Variants in ANXA7 observed in about 807,000 individuals in gnomAD.
ANXA7 encodes the protein annexin VII.
ANXA7 carries 55 observed loss-of-function variants against 64.9 expected under a neutral mutation model. That is an observed-to-expected ratio of 0.85 (90% confidence interval 0.68 to 1.06). ANXA7 has a LOEUF of 1.06. ANXA7 is among the 50% of genes least tolerant of loss of function. The pLI is 0.00. For synonymous variants in ANXA7, 200 were observed against 192.4 expected, an observed-to-expected ratio of 1.04 and a Z score of -0.33; for missense variants, 548 against 582.1, an observed-to-expected ratio of 0.94 and a Z score of 0.60.
intron 1 of ANXA7, among the ~76,000 whole-genome samples, chr10:73,406,042 A>G (rs1414347965): frequency 1.3e-5 from 2 of 149,906 alleles, no homozygotes; most frequent in African/African-American, 4.9e-5. Flanking sequence ...TGCAGCTTCC[A>G]CCTCCTGGGT....
intron 5 of ANXA7, among the ~76,000 whole-genome samples, chr10:73,396,269 G>A (rs1015146625): frequency 2.0e-5 from 3 of 152,126 alleles, no homozygotes; most frequent in African/African-American, 4.8e-5. Context: ...AAGACCCCAG[G>A]TTAATCTCCA....
At chr10:73,393,691 C>T (rs1388810972) in intron 5 of ANXA7, among the ~76,000 whole-genome samples, 2 of 152,160 alleles carry the variant, frequency 1.3e-5, no homozygotes. Context: ...TTCCTTACAC[C>T]TTATACAACA....
At chr10:73,385,184 TA>T (rs1307244486) in intron 7 of ANXA7, among the ~76,000 whole-genome samples, 1 of 152,336 alleles carries the variant, frequency 6.6e-6, no homozygotes, top group African/African-American at 2.4e-5. Context: ...AAGTTGTAAC[TA>T]AATCTTGGAT....
intron 11 of ANXA7, 84 bp downstream of exon 11, chr10:73,379,795 T>C (rs757224468): frequency 7.5e-6 from 10 of 1,330,392 alleles, no homozygotes; most frequent in Admixed American, 7.0e-5. Context: ...ACGTGGACTA[T>C]ATTATCAACA....
chr10:73,387,576 T>C (rs774768939), intron 7 of ANXA7, 113 bp downstream of exon 7: 12 of 829,192 alleles, frequency 1.4e-5, no homozygotes, highest in Admixed American at 3.8e-5. Flanking sequence ...CTCTAAAGTC[T>C]AGTTGTCCCT....
At chr10:73,412,499 G>GTT (rs575394324) in intron 1 of ANXA7, among the ~76,000 whole-genome samples, 33 of 140,590 alleles carry the variant, frequency 2.3e-4, no homozygotes, top group South Asian at 4.5e-4. Context: ...AGTTTTTTGG[G>GTT]TTTTTTTTTT....
chr10:73,400,206 T>G (rs1449208837), intron 2 of ANXA7, among the ~76,000 whole-genome samples: 2 of 152,066 alleles, frequency 1.3e-5, no homozygotes, highest in African/African-American at 2.4e-5. Flanking sequence ...GCTCAGCTCT[T>G]AGTCCTCAGA....
At chr10:73,401,041 G>T (rs528301419) in intron 1 of ANXA7, among the ~76,000 whole-genome samples, 184 bp from the exon 2 acceptor site, 1 of 152,224 alleles carries the variant, frequency 6.6e-6, no homozygotes, top group Admixed American at 6.5e-5. Context: ...AAGTAGCTGG[G>T]ACTACAGGTG....
At chr10:73,390,705 TATATATATATATATAAAA>T (rs200092183) in intron 5 of ANXA7, among the ~76,000 whole-genome samples, 1,938 of 134,144 alleles carry the variant, frequency 0.014, 51 homozygotes, top group African/African-American at 0.051. Context: ...TATATATATA[TATATATATATATATAAAA>T]ATATATATAT....
In ANXA7 at chr10:73,398,282, C is replaced by T; in HGVS notation, c.158G>A (p.Gly53Asp). 1 of 1,614,094 alleles carries T rather than the reference C, an allele frequency of 6.2e-7. No homozygotes were observed. Among genetic ancestry groups the T allele is most frequent in the Non-Finnish European group, 8.5e-7 (1 of 1,180,016 alleles). Reference sequence around the variant, plus strand: ...AGGGTAGCCTCCAGCTCCTGGGTAGCCACTACTTGGCACTTGTGGGTAGGC... The same window carrying T: ...AGGGTAGCCTCCAGCTCCTGGGTAGTCACTACTTGGCACTTGTGGGTAGGC... The part of the protein sequence containing the change: ...GGAYPQVPSS[G>D]YPGAGGYPAP... Residue 53 changes from glycine (G) to aspartate (D), a missense_variant, in exon 3 of 13, where the codon GGC (glycine) becomes GAC (aspartate). Gly to Asp is a moderately conservative substitution (Grantham distance 94). Transcript: ENST00000372921.
chr10:73,397,265 C>T lies in ANXA7; in HGVS notation c.269G>A (p.Gly90Asp). Residue 90 changes from glycine (G) to aspartate (D), a missense_variant, in exon 4 of 13, where the codon GGC becomes GAC. Transcript: ENST00000372921. ...ACCTGGTGGGACTCCAAATCCTTGG[C>T]CTGGAGGAACTAGAGAAAAGAACAT... is the stretch of plus-strand genomic sequence containing the variant. ...GAPSYPGVPP[G>D]QGFGVPPGGA... 1 of 1,608,970 alleles carries T rather than the reference C, an allele frequency of 6.2e-7. No individual in the cohort carries two copies. Among genetic ancestry groups the T allele is most frequent in the Non-Finnish European group, 8.5e-7 (1 of 1,176,404 alleles).
chr10:73,395,087 G>C (rs1409901970), intron 5 of ANXA7, among the ~76,000 whole-genome samples: 16 of 152,126 alleles, frequency 1.1e-4, no homozygotes, highest in Admixed American at 8.5e-4. Context: ...TACATGCTTG[G>C]GAGGAGTATC....
intron 5 of ANXA7, among the ~76,000 whole-genome samples, chr10:73,390,701 T>TATATATATATATATATATAAAA (rs1027517833): frequency 7.5e-6 from 1 of 133,042 alleles, no homozygotes; most frequent in Non-Finnish European, 1.5e-5. Context: ...AAAATATATA[T>TATATATATATATATATATAAAA]ATATATATAT....
chr10:73,413,141 A>AG (rs1452597009), intron 1 of ANXA7, among the ~76,000 whole-genome samples: 1 of 152,148 alleles, frequency 6.6e-6, no homozygotes, highest in Non-Finnish European at 1.5e-5. Context: ...ACAGGTAGGT[A>AG]GCCAACCACC....
At chr10:73,406,046 CCT>C (rs2055752582) in intron 1 of ANXA7, among the ~76,000 whole-genome samples, 1 of 152,020 alleles carries the variant, frequency 6.6e-6, no homozygotes, top group Non-Finnish European at 1.5e-5. Context: ...GCTTCCACCT[CCT>C]GGGTTCAAGC....
At chr10:73,412,099 C>G (rs1175306070) in intron 1 of ANXA7, among the ~76,000 whole-genome samples, 1 of 151,776 alleles carries the variant, frequency 6.6e-6, no homozygotes. Context: ...TGCAGTGGCA[C>G]GATCTCAGCT....
At chr10:73,383,724 G>A (rs772915164) in intron 7 of ANXA7, 34 bp from the exon 8 acceptor site, 2 of 1,371,398 alleles carry the variant, frequency 1.5e-6, no homozygotes, top group African/African-American at 1.4e-5. Context: ...AAGTATATGT[G>A]TTCTCCAAAT....
intron 5 of ANXA7, among the ~76,000 whole-genome samples, chr10:73,394,238 T>C (rs1324367861): frequency 6.6e-6 from 1 of 152,064 alleles, no homozygotes; most frequent in Non-Finnish European, 1.5e-5. Context: ...TGTGGAGAAA[T>C]AGGAACACTT....
In ANXA7 at chr10:73,388,335, A is replaced by G. The variant is rs1348628710; in HGVS notation, c.515T>C (p.Leu172Pro). 1.2e-6 allele frequency: 2 copies of G among 1,614,018 alleles called. No homozygotes were observed. Among genetic ancestry groups the G allele is most frequent in the Non-Finnish European group, 1.7e-6 (2 of 1,179,878 alleles). ...NFDAIRDAEI[L>P]RKAMKGFGTD... ...ACCAAAACCCTTCATTGCCTTACGAAGAATTTCTGCATCTCTTATAGCATC... is the reference window on the plus strand; with the variant it reads ...ACCAAAACCCTTCATTGCCTTACGAGGAATTTCTGCATCTCTTATAGCATC... Residue 172 changes from leucine to proline, a missense_variant, in exon 6 of 13, where the codon CTT becomes CCT. By Grantham distance (98) the Leu-to-Pro change is moderately conservative. Transcript: ENST00000372921.
Sources: gnomAD v4.1 joint callset for allele counts (sites outside exome capture counted in the v4.1 genomes callset) on GRCh38, gnomAD v4.1.1 for gene constraint, MANE v1.5 for transcripts, NCBI Gene and HGNC (gene_info 2026-07-23, HGNC 2026-07-21) for gene names.